Variants in BMAL2 observed in about 807,000 individuals in gnomAD.
The protein encoded by BMAL2 is basic helix-loop-helix ARNT-like protein 2.
the BMAL2 span, among the ~76,000 whole-genome samples, chr12:27,374,067 G>GT: frequency 6.6e-6 from 1 of 152,152 alleles, no homozygotes; most frequent in African/African-American, 2.4e-5. Flanking sequence ...TTTGCATTTA[G>GT]TAAGTACAGT....
the BMAL2 span, among the ~76,000 whole-genome samples, chr12:27,384,743 T>C: frequency 6.6e-6 from 1 of 152,192 alleles, no homozygotes; most frequent in African/African-American, 2.4e-5. Context: ...ATTATAGCAA[T>C]ATACTGTAAA....
chr12:27,352,631 C>T, the BMAL2 span, among the ~76,000 whole-genome samples: 1 of 152,126 alleles, frequency 6.6e-6, no homozygotes, highest in Non-Finnish European at 1.5e-5. Flanking sequence ...AAAGGCATCC[C>T]AACAGGAAAA....
the BMAL2 span, chr12:27,385,354 T>A: frequency 5.9e-5 from 32 of 541,958 alleles, no homozygotes; most frequent in Non-Finnish European, 9.1e-5. Context: ...AAAAAAAAAA[T>A]GATTACAGAA....
chr12:27,407,732 A>G, the BMAL2 span, among the ~76,000 whole-genome samples: 3 of 152,198 alleles, frequency 2.0e-5, no homozygotes, highest in African/African-American at 7.2e-5. Context: ...AAGACAAGAA[A>G]TAACTAAGAT....
At chr12:27,415,674 G>A in the BMAL2 span, among the ~76,000 whole-genome samples, 2 of 152,034 alleles carry the variant, frequency 1.3e-5, no homozygotes, top group South Asian at 4.1e-4. Context: ...TATTTATCAT[G>A]GAGTGTTTTT....
the BMAL2 span, among the ~76,000 whole-genome samples, chr12:27,420,132 CAT>C: frequency 5.3e-5 from 8 of 152,054 alleles, no homozygotes; most frequent in South Asian, 2.1e-4. Flanking sequence ...TTAGAAAACT[CAT>C]AGACTAGCTT....
chr12:27,379,517 A>T, the BMAL2 span, among the ~76,000 whole-genome samples: 1 of 152,154 alleles, frequency 6.6e-6, no homozygotes, highest in Non-Finnish European at 1.5e-5. Flanking sequence ...GACTGAACCG[A>T]GCAGGGAGAG....
At chr12:27,380,420 G>GCTTCCAC in the BMAL2 span, 1 of 1,613,498 alleles carries the variant, frequency 6.2e-7, no homozygotes, top group South Asian at 1.1e-5. Context: ...TTTGACGATG[G>GCTTCCAC]CTTCCACACT....
At chr12:27,340,803 C>T in the BMAL2 span, among the ~76,000 whole-genome samples, 64,743 of 151,844 alleles carry the variant, frequency 0.43, 14,015 homozygotes, top group Middle Eastern at 0.51. Context: ...TTTTGTCATT[C>T]TCATTGTAGA....
At chr12:27,333,240 T>C in the BMAL2 span, 5 of 876,544 alleles carry the variant, frequency 5.7e-6, no homozygotes, top group Non-Finnish European at 7.3e-6. Flanking sequence ...GGCCGGAGCA[T>C]CGCCTCCGAG....
At chr12:27,352,639 A>G in the BMAL2 span, among the ~76,000 whole-genome samples, 1,485 of 152,354 alleles carry the variant, frequency 9.7e-3, 26 homozygotes, top group African/African-American at 0.033. Flanking sequence ...CCCAACAGGA[A>G]AATAAGTCAA....
chr12:27,403,330 G>A, the BMAL2 span: 1 of 742,092 alleles, frequency 1.3e-6, no homozygotes, highest in South Asian at 1.7e-5. Context: ...CAACTTTTTT[G>A]GATGCAGCTA....
At chr12:27,360,278 C>T in the BMAL2 span, among the ~76,000 whole-genome samples, 1 of 152,008 alleles carries the variant, frequency 6.6e-6, no homozygotes, top group Non-Finnish European at 1.5e-5. Context: ...GCCTGAGGAA[C>T]CATTACAGAT....
At chr12:27,420,019 GCACA>G in the BMAL2 span, among the ~76,000 whole-genome samples, 66 of 147,568 alleles carry the variant, frequency 4.5e-4, 1 homozygote, top group South Asian at 1.1e-3. Context: ...GTTTGCGCGT[GCACA>G]CACACACACA....
At chr12:27,375,432 TA>T in the BMAL2 span, among the ~76,000 whole-genome samples, 1 of 152,196 alleles carries the variant, frequency 6.6e-6, no homozygotes, top group Non-Finnish European at 1.5e-5. Flanking sequence ...GTTAGAGTGT[TA>T]AATGAATAAG....
At chr12:27,336,147 G>C in the BMAL2 span, among the ~76,000 whole-genome samples, 1 of 152,128 alleles carries the variant, frequency 6.6e-6, no homozygotes, top group African/African-American at 2.4e-5. Flanking sequence ...GAGTTACTCG[G>C]GTGCTTGGGG....
chr12:27,424,478 G>C, the BMAL2 span: 5 of 152,188 alleles, frequency 3.3e-5, no homozygotes, highest in African/African-American at 1.2e-4. Flanking sequence ...ACAGAATAGA[G>C]ACTTTTAGTA....
the BMAL2 span, among the ~76,000 whole-genome samples, chr12:27,349,170 A>G: frequency 2.0e-5 from 3 of 152,228 alleles, no homozygotes; most frequent in African/African-American, 7.2e-5. Flanking sequence ...TGAGAGTAGC[A>G]TGGGATGAGG....
chr12:27,407,923 C>T, the BMAL2 span, among the ~76,000 whole-genome samples: 371 of 152,030 alleles, frequency 2.4e-3, no homozygotes, highest in African/African-American at 8.6e-3. Context: ...TCACCACCGA[C>T]CCCACAGAAA....
Sources: allele counts gnomAD v4.1 joint callset (sites outside exome capture counted in the v4.1 genomes callset), GRCh38; gene constraint gnomAD v4.1.1; transcripts MANE v1.5; gene names NCBI Gene and HGNC (gene_info 2026-07-23, HGNC 2026-07-21).